Variants in CDC42BPB observed in about 807,000 individuals in gnomAD.
The protein encoded by CDC42BPB is serine/threonine-protein kinase MRCK beta.
A neutral mutation model predicts 214.9 loss-of-function variants in CDC42BPB; 37 were observed. The ratio of observed to expected loss-of-function variants is 0.17; its 90% CI spans 0.13 to 0.23. The LOEUF (loss-of-function observed/expected upper bound fraction) is 0.23, where lower values mean the gene tolerates loss of function less well. Among genes scored for constraint, CDC42BPB ranks in the 10% least tolerant of loss-of-function variants. CDC42BPB has a pLI of 1.00. For missense variants in CDC42BPB, 1,694 were observed against 2,227.0 expected (o/e 0.76, Z 4.82); for synonymous variants, 931 against 884.0 (o/e 1.05, Z -0.94).
intron 5 of CDC42BPB, among the ~76,000 whole-genome samples, chr14:102,991,444 T>A (rs1268524945): frequency 6.6e-6 from 1 of 152,230 alleles, no homozygotes; most frequent in Non-Finnish European, 1.5e-5. Context: ...AAAGAAGACA[T>A]GACAATAAAT....
chr14:102,973,150 G>A (rs537849838), intron 12 of CDC42BPB, among the ~76,000 whole-genome samples: 1 of 152,204 alleles, frequency 6.6e-6, no homozygotes, highest in Admixed American at 6.5e-5. Flanking sequence ...ACACGTGAAG[G>A]GGAGGCCTCC....
chr14:103,008,967 A>G (rs1226394946), intron 2 of CDC42BPB, among the ~76,000 whole-genome samples: 1 of 152,242 alleles, frequency 6.6e-6, no homozygotes, highest in Non-Finnish European at 1.5e-5. Context: ...CACCTCCTTC[A>G]GGAAGTCCTC....
At chr14:103,027,796 C>T (rs1028320802) in intron 1 of CDC42BPB, among the ~76,000 whole-genome samples, 5 of 152,186 alleles carry the variant, frequency 3.3e-5, no homozygotes, top group African/African-American at 9.7e-5. Context: ...GTGAGAGCTG[C>T]ACAAATGTGT....
intron 5 of CDC42BPB, among the ~76,000 whole-genome samples, chr14:102,997,601 C>T (rs1166655222): frequency 6.6e-6 from 1 of 152,138 alleles, no homozygotes; most frequent in African/African-American, 2.4e-5. Flanking sequence ...AAAACCAGAT[C>T]GAGACTACCC....
intron 5 of CDC42BPB, among the ~76,000 whole-genome samples, chr14:102,992,519 G>A (rs1047742349): frequency 3.9e-4 from 60 of 152,080 alleles, no homozygotes; most frequent in Non-Finnish European, 6.6e-4. Context: ...GACTGCTGCC[G>A]CCTCCCAGCC....
intron 1 of CDC42BPB, among the ~76,000 whole-genome samples, chr14:103,055,598 T>C (rs1016859721): frequency 2.0e-5 from 3 of 152,246 alleles, no homozygotes; most frequent in Admixed American, 1.3e-4. Flanking sequence ...CCAAGAATGG[T>C]GGTTCCCACG....
chr14:102,959,809 G>C, intron 20 of CDC42BPB, 99 bp from the exon 21 acceptor site: 2 of 805,208 alleles, frequency 2.5e-6, no homozygotes, highest in Non-Finnish European at 3.4e-6. Context: ...TTCTCCTTGA[G>C]TAACTGATAC....
At chr14:102,982,835 C>T (rs957162415) in intron 7 of CDC42BPB, among the ~76,000 whole-genome samples, 14 of 152,066 alleles carry the variant, frequency 9.2e-5, no homozygotes, top group East Asian at 1.9e-4. Flanking sequence ...GCCGAGACTG[C>T]GCCACTGTAC....
intron 1 of CDC42BPB, among the ~76,000 whole-genome samples, chr14:103,051,907 G>A (rs188607628): frequency 3.7e-4 from 56 of 152,028 alleles, no homozygotes; most frequent in Admixed American, 2.9e-3. Flanking sequence ...GTGCAGTGGC[G>A]CAATCTCAGC....
At chr14:103,032,633 T>C (rs1887452885) in intron 1 of CDC42BPB, among the ~76,000 whole-genome samples, 1 of 144,458 alleles carries the variant, frequency 6.9e-6, no homozygotes, top group African/African-American at 2.6e-5. Context: ...AAATCCACTT[T>C]TTTTTTTTTT....
chr14:102,973,378 C>T lies in CDC42BPB; in HGVS notation c.1641+638G>A, dbSNP rs760786934. ...ATCAATGAATGTATTTTAGAAAACA[C>T]GCATATAATTGTGTTAGTAACATGC... On this transcript the variant is annotated intron_variant, in intron 12 of 36. Transcript: ENST00000361246. Among the ~76,000 whole-genome samples the T allele has an allele frequency of 1.6e-4, 24 of 152,172 alleles. 1 individual carries two copies. Among genetic ancestry groups the T allele is most frequent in the Non-Finnish European group, 2.4e-4 (16 of 68,046 alleles).
rs754683588 is a variant in CDC42BPB, at chr14:102,950,472, A to G, written c.3303T>C (p.His1101=). The change falls in exon 25 of 37, where the codon CAT becomes CAC. Residue 1101 remains histidine (H), a synonymous_variant. Transcript: ENST00000361246. ...QRGIGTAYKG[H]VKVPKPTGVK... is the part of the protein sequence containing the mutation. The stretch of plus-strand genomic sequence containing the variant: ...CGGAGATGAAGCCGCCTACCTTGAC[A>G]TGGCCTTTGTAGGCTGTTCCGATGC... 4 of 1,613,096 alleles carry G rather than the reference A, an allele frequency of 2.5e-6. No individual in the cohort carries two copies. Among genetic ancestry groups the G allele is most frequent in the South Asian group, 1.1e-5 (1 of 91,058 alleles).
chr14:102,947,943 A>G lies in CDC42BPB; in HGVS notation c.3450-141T>C, dbSNP rs982793441. The G allele has an allele frequency of 5.3e-6, 8 of 1,497,338 alleles. No homozygotes were observed. In the African/African-American group the frequency reaches 7.0e-5, roughly 13 times the overall value. 92.8% of individuals were successfully genotyped at this position (1,497,338 alleles called of 1,614,324 possible). ...GAGGGCGGGTCCCTCGCCTCCCCAG[A>G]TGTAAGAAACACGGGCAGGGCCAAC... On this transcript the variant is annotated intron_variant, in intron 26 of 36. Transcript: ENST00000361246.
At chr14:103,010,631 C>A (rs770600688) in intron 2 of CDC42BPB, among the ~76,000 whole-genome samples, 8 of 152,188 alleles carry the variant, frequency 5.3e-5, no homozygotes, top group Non-Finnish European at 1.0e-4. Flanking sequence ...TGACACAGGG[C>A]GTTTCCTTGT....
At chr14:102,998,498 G>GT (rs1259834068) in intron 5 of CDC42BPB, among the ~76,000 whole-genome samples, 1 of 152,184 alleles carries the variant, frequency 6.6e-6, no homozygotes, top group African/African-American at 2.4e-5. Flanking sequence ...AGTAAAACTA[G>GT]TTTTTAAAAA....
chr14:103,014,968 C>A (rs929801670), intron 1 of CDC42BPB, among the ~76,000 whole-genome samples: 2 of 152,262 alleles, frequency 1.3e-5, no homozygotes, highest in Non-Finnish European at 2.9e-5. Context: ...ACATTAATTA[C>A]TCTCAAGTCA....
In CDC42BPB at chr14:102,943,233, C is replaced by A. The variant is rs1262879694; in HGVS notation, c.4408+658G>T. Among the ~76,000 whole-genome samples, 1 of 152,178 alleles carries A rather than the reference C, an allele frequency of 6.6e-6. No homozygotes were observed. Among genetic ancestry groups the A allele is most frequent in the Non-Finnish European group, 1.5e-5 (1 of 68,036 alleles). The stretch of plus-strand genomic sequence containing the variant: ...AAGTGAGCCTCCTGCCTCAGTCTCG[C>A]ACAGTGCTGGGATTACAGGTGTGAG... On this transcript the variant is annotated intron_variant, in intron 30 of 36. Transcript: ENST00000361246. The surrounding 1 kb of genome is among the most constrained non-coding windows in gnomAD (Gnocchi z 4.6).
intron 2 of CDC42BPB, among the ~76,000 whole-genome samples, chr14:103,009,870 A>G (rs1886050602): frequency 6.6e-6 from 1 of 152,216 alleles, no homozygotes; most frequent in Non-Finnish European, 1.5e-5. Context: ...AACTAGGTAC[A>G]GTGGCTCATG....
chr14:103,037,076 A>G (rs1299133880), intron 1 of CDC42BPB, among the ~76,000 whole-genome samples: 2 of 150,710 alleles, frequency 1.3e-5, no homozygotes, highest in East Asian at 3.9e-4. Context: ...GTGAGCCACC[A>G]CGTCTGGCCA....
Sources: gnomAD v4.1 joint callset for allele counts (sites outside exome capture counted in the v4.1 genomes callset) on GRCh38, gnomAD v4.1.1 for gene constraint, Gnocchi (gnomAD v3.1) non-coding constraint, MANE v1.5 for transcripts, NCBI Gene and HGNC (gene_info 2026-07-23, HGNC 2026-07-21) for gene names.